The following RUFY2 variants were observed in gnomAD, a reference collection of about 807,000 sequenced individuals.
RUFY2 encodes the protein RUN and FYVE domain-containing protein 2.
Under a neutral mutation model 94.4 loss-of-function variants are expected in RUFY2, and 49 were observed. That is an observed-to-expected ratio of 0.52 (90% CI 0.41 to 0.66). RUFY2 has a LOEUF of 0.66. RUFY2 is among the 30% of genes least tolerant of loss of function. The pLI is 0.00. For missense variants in RUFY2, 541 were observed against 692.8 expected, an observed-to-expected ratio of 0.78 and a Z score of 2.46; for synonymous variants, 255 against 235.7, an observed-to-expected ratio of 1.08 and a Z score of -0.75.
At chr10:68,402,443 CA>C (rs2050920182) in intron 2 of RUFY2, among the ~76,000 whole-genome samples, 1 of 152,016 alleles carries the variant, frequency 6.6e-6, no homozygotes, top group South Asian at 2.1e-4. Context: ...CCAAGATAGG[CA>C]ATTTTTCCCA....
intron 15 of RUFY2, among the ~76,000 whole-genome samples, chr10:68,361,907 T>C (rs2047484134): frequency 6.6e-6 from 1 of 152,260 alleles, no homozygotes; most frequent in Non-Finnish European, 1.5e-5. Flanking sequence ...AGGGAAGTAC[T>C]TGCTTTTTTA....
downstream of RUFY2, chr10:68,342,024 G>A (rs745792515): frequency 3.7e-6 from 6 of 1,614,088 alleles, no homozygotes; most frequent in South Asian, 6.6e-5. Context: ...AAGGCGGCAT[G>A]AGTGGAGGTG....
intron 13 of RUFY2, among the ~76,000 whole-genome samples, chr10:68,376,130 A>C (rs1296536760): frequency 2.0e-5 from 3 of 149,644 alleles, no homozygotes; most frequent in Non-Finnish European, 4.5e-5. Flanking sequence ...GTTGATTTAA[A>C]AAAAAATGTT....
At chr10:68,351,486 G>A (rs2046673557) in intron 16 of RUFY2, among the ~76,000 whole-genome samples, 1 of 114,418 alleles carries the variant, frequency 8.7e-6, no homozygotes, top group Non-Finnish European at 1.7e-5. Context: ...ATCTTGCTCT[G>A]TCGCCCAGGC....
At chr10:68,376,443 T>C (rs1251717662) in intron 13 of RUFY2, among the ~76,000 whole-genome samples, 2 of 3,788 alleles carry the variant, frequency 5.3e-4, no homozygotes, top group Non-Finnish European at 1.4e-3. Context: ...AAAATGTGTG[T>C]ATATATATAT....
chr10:68,395,843 T>G (rs943046505), intron 4 of RUFY2, among the ~76,000 whole-genome samples: 6 of 152,148 alleles, frequency 3.9e-5, no homozygotes, highest in Non-Finnish European at 7.3e-5. Context: ...AAAACCAGCA[T>G]CACAAGTAAA....
chr10:68,399,339 C>T (rs1345746569), intron 3 of RUFY2, among the ~76,000 whole-genome samples: 3 of 152,192 alleles, frequency 2.0e-5, no homozygotes, highest in Non-Finnish European at 4.4e-5. Flanking sequence ...GCCACCACAC[C>T]CAGCCACTTT....
At chr10:68,383,984 T>C in intron 9 of RUFY2, 67 bp downstream of exon 9, 1 of 1,579,032 alleles carries the variant, frequency 6.3e-7, no homozygotes, top group Non-Finnish European at 8.7e-7. Context: ...ACCTACTTCA[T>C]CCAAAAATCC....
At chr10:68,371,197 C>T (rs1307338969) in intron 13 of RUFY2, among the ~76,000 whole-genome samples, 4 of 150,596 alleles carry the variant, frequency 2.7e-5, no homozygotes, top group East Asian at 2.0e-4. Context: ...TTCGGGAGGC[C>T]GTGTGATGGG....
intron 12 of RUFY2, chr10:68,378,116 G>A: frequency 3.0e-6 from 3 of 985,632 alleles, no homozygotes; most frequent in Non-Finnish European, 3.6e-6. Flanking sequence ...CTGAAGCACA[G>A]GGTGTTGGCC....
rs7081028 is a variant in RUFY2, at chr10:68,398,489, T to C, written c.297-1608A>G. 7.9e-3 allele frequency among the ~76,000 whole-genome samples: 1,199 copies of C among 152,028 alleles called. 26 individuals carry two copies. The highest frequency in any genetic ancestry group is 0.028 in the African/African-American group (1,158 of 41,482). ...CAACATGGTGAAACCCCGTCTCCACTAAAAATACAAAAATTAGCCAGGCAC... is the reference window on the plus strand; with the variant it reads ...CAACATGGTGAAACCCCGTCTCCACCAAAAATACAAAAATTAGCCAGGCAC... On this transcript the variant is annotated intron_variant, in intron 3 of 17. Transcript: ENST00000602465.
chr10:68,343,366 C>T (rs1382872824), downstream of RUFY2: 1 of 152,446 alleles, frequency 6.6e-6, no homozygotes, highest in African/African-American at 2.4e-5. Context: ...TATCCACTTC[C>T]TTTAATGAGC....
At chr10:68,393,264 A>T (rs1349165796) in intron 6 of RUFY2, 61 bp from the exon 7 acceptor site, 4 of 763,326 alleles carry the variant, frequency 5.2e-6, no homozygotes, top group African/African-American at 1.8e-5. Flanking sequence ...GCACAAAAAA[A>T]TCTAAATCAT....
intron 15 of RUFY2, 115 bp downstream of exon 15, chr10:68,363,475 C>G: frequency 1.6e-6 from 1 of 634,254 alleles, no homozygotes; most frequent in South Asian, 2.6e-5. Context: ...CCACCGCGCC[C>G]GGCCTAGTTC....
At chr10:68,394,192 T>C in intron 5 of RUFY2, 56 bp from the exon 6 acceptor site, 1 of 1,508,676 alleles carries the variant, frequency 6.6e-7, no homozygotes, top group Non-Finnish European at 8.9e-7. Flanking sequence ...TTATCAGAAG[T>C]ACCTTTACTG....
chr10:68,353,922 C>T (rs1375532877), intron 16 of RUFY2, among the ~76,000 whole-genome samples: 1 of 152,088 alleles, frequency 6.6e-6, no homozygotes, highest in Non-Finnish European at 1.5e-5. Context: ...GAGCAAAACT[C>T]TTCATCCACC....
chr10:68,405,448 T>C, intron 1 of RUFY2: 1 of 977,232 alleles, frequency 1.0e-6, no homozygotes, highest in Non-Finnish European at 1.2e-6. Context: ...CTGGTACCTC[T>C]TCATAGAGAA....
intron 16 of RUFY2, 30 bp downstream of exon 16, chr10:68,355,323 C>G (rs553090568): frequency 9.7e-6 from 15 of 1,552,518 alleles, no homozygotes; most frequent in Non-Finnish European, 1.3e-5. Flanking sequence ...TTTCACATAC[C>G]TTCCCACTTT....
chr10:68,357,710 T>C (rs2047160894), intron 15 of RUFY2, among the ~76,000 whole-genome samples: 1 of 152,212 alleles, frequency 6.6e-6, no homozygotes, highest in Non-Finnish European at 1.5e-5. Flanking sequence ...AACCAGCTAT[T>C]TTCACAATAT....
Sources: allele counts gnomAD v4.1 joint callset (sites outside exome capture counted in the v4.1 genomes callset), GRCh38; gene constraint gnomAD v4.1.1; transcripts MANE v1.5; gene names NCBI Gene and HGNC (gene_info 2026-07-23, HGNC 2026-07-21).